The following SEC24D variants were observed in gnomAD, a reference collection of about 807,000 sequenced individuals.
SEC24D encodes SEC24 homolog D, COPII component, also known as protein transport protein Sec24D.
In SEC24D, 69 loss-of-function variants were observed where a neutral mutation model predicts 116.9. The ratio of observed to expected loss-of-function variants is 0.59; its 90% CI spans 0.49 to 0.72. The LOEUF (loss-of-function observed/expected upper bound fraction) is 0.72, where lower values mean the gene tolerates loss of function less well. SEC24D is among the 30% of genes least tolerant of loss of function. The pLI is 0.00. For missense variants in SEC24D, 1,131 were observed against 1,264.1 expected, an observed-to-expected ratio of 0.89 and a Z score of 1.60; for synonymous variants, 405 against 442.8, an observed-to-expected ratio of 0.91 and a Z score of 1.07.
chr4:118,764,593 T>C (rs1376809787), intron 10 of SEC24D: 1 of 451,710 alleles, frequency 2.2e-6, no homozygotes. Context: ...CATTTCAGTT[T>C]TTAAAAATAA....
At chr4:118,783,651 A>G (rs1272141555) in intron 8 of SEC24D, among the ~76,000 whole-genome samples, 1 of 152,230 alleles carries the variant, frequency 6.6e-6, no homozygotes, top group African/African-American at 2.4e-5. Flanking sequence ...TATTGTCCAG[A>G]TTATGGTATA....
intron 3 of SEC24D, among the ~76,000 whole-genome samples, chr4:118,818,479 T>C (rs1044530151): frequency 6.6e-6 from 1 of 152,244 alleles, no homozygotes; most frequent in African/African-American, 2.4e-5. Flanking sequence ...TAATTTTATC[T>C]TGTCATTTTT....
intron 21 of SEC24D, 70 bp downstream of exon 21, chr4:118,731,246 C>A: frequency 8.1e-7 from 1 of 1,240,936 alleles, no homozygotes; most frequent in Non-Finnish European, 1.2e-6. Context: ...TATTTGACTG[C>A]ACATAAATAA....
chr4:118,757,501 C>A (rs1184310129), intron 11 of SEC24D, among the ~76,000 whole-genome samples: 6 of 152,128 alleles, frequency 3.9e-5, no homozygotes, highest in African/African-American at 1.4e-4. Context: ...AAGTTCTTTA[C>A]CATAGCATTT....
At chr4:118,802,104 C>T (rs377029932) in intron 7 of SEC24D, among the ~76,000 whole-genome samples, 71 of 152,056 alleles carry the variant, frequency 4.7e-4, no homozygotes, top group African/African-American at 1.6e-3. Context: ...GTAAGCATCA[C>T]AGAAGAGCAA....
At chr4:118,742,911 C>A (rs1222554908) in intron 15 of SEC24D, among the ~76,000 whole-genome samples, 2 of 152,082 alleles carry the variant, frequency 1.3e-5, no homozygotes, top group Admixed American at 6.5e-5. Context: ...AGCTTGCCTG[C>A]AGGAGGCACA....
At position 118,740,470 on chromosome 4, in the gene SEC24D, A is replaced by G. The variant is rs552343553; in HGVS notation, c.2238+193T>C. 2.6e-5 allele frequency among the ~76,000 whole-genome samples: 4 copies of G among 152,348 alleles called. No individual in the cohort carries two copies. The South Asian group carries it at 8.3e-4, about 32-fold the overall frequency. On this transcript the variant is annotated intron_variant, in intron 17 of 22. Transcript: ENST00000280551. The stretch of plus-strand genomic sequence containing the variant: ...CAATGACACATAATTGTCACTTCAT[A>G]TAAGTAGCAAATATGAATGAGTATG...
intron 19 of SEC24D, among the ~76,000 whole-genome samples, chr4:118,734,294 A>G (rs994704858): frequency 1.3e-5 from 2 of 151,666 alleles, no homozygotes; most frequent in Non-Finnish European, 2.9e-5. Context: ...GGTCACTGCA[A>G]CCTTGCCTCC....
rs1729628259 is a variant in SEC24D at position 118,805,262 on chromosome 4, C to T, written c.913+581G>A. ...ATGCTTCTAGGATTGAGTACATGAT[C>T]CATTAAAATGGTATATTCAGAATCT... On this transcript the variant is annotated intron_variant, in intron 7 of 22. Coordinates refer to ENST00000280551, the MANE Select transcript of SEC24D (RefSeq NM_014822.4). 2.6e-5 allele frequency among the ~76,000 whole-genome samples: 4 copies of T among 152,218 alleles called. No individual in the cohort carries two copies. In the South Asian group the frequency reaches 8.3e-4, roughly 32 times the overall value.
intron 2 of SEC24D, among the ~76,000 whole-genome samples, chr4:118,830,106 G>A (rs9685374): frequency 0.23 from 34,271 of 152,164 alleles, 4,960 homozygotes; most frequent in South Asian, 0.38. Flanking sequence ...TTTAGTGAAA[G>A]TCTTAAATAA....
chr4:118,731,470 G>T lies in SEC24D; in HGVS notation c.2714C>A (p.Ala905Asp). Residue 905 changes from alanine to aspartate, a missense_variant, in exon 21 of 23, where the codon GCC becomes GAC. Physicochemically the swap from Ala to Asp is moderately radical, Grantham distance 126 (BLOSUM62 -2). Transcript: ENST00000280551. Reference protein sequence around the residue: ...LDVKSTMLPAAVRCSESRLSE... With the variant: ...LDVKSTMLPADVRCSESRLSE... ...AAGACGGGACTCAGAGCAACGAACG[G>T]CAGCAGGTAACATTGTACTCTTGAC... 6.2e-7 allele frequency: 1 copy of T among 1,614,136 alleles called. No individual in the cohort carries two copies. Among genetic ancestry groups the T allele is most frequent in the South Asian group, 1.1e-5 (1 of 91,092 alleles).
chr4:118,770,835 T>A (rs1727868346), intron 8 of SEC24D, among the ~76,000 whole-genome samples: 1 of 152,186 alleles, frequency 6.6e-6, no homozygotes, highest in South Asian at 2.1e-4. Context: ...TGGAGTCAAG[T>A]CATGACTGTG....
At chr4:118,751,722 T>C (rs1055882232) in intron 13 of SEC24D, among the ~76,000 whole-genome samples, 1 of 152,156 alleles carries the variant, frequency 6.6e-6, no homozygotes, top group Admixed American at 6.5e-5. Flanking sequence ...AAATAGACCA[T>C]ATAAAGTTCA....
intron 10 of SEC24D, among the ~76,000 whole-genome samples, chr4:118,763,126 A>C (rs1317697471): frequency 1.3e-5 from 2 of 152,220 alleles, no homozygotes; most frequent in Non-Finnish European, 2.9e-5. Flanking sequence ...GTTAGGAACA[A>C]CTAAACTGTC....
rs532945831 is a variant in SEC24D at position 118,794,948 on chromosome 4, C to CT, written c.1041+2734dup. Among the ~76,000 whole-genome samples the CT allele has an allele frequency of 4.7e-3, 698 of 149,414 alleles. 3 individuals are homozygous for CT. The highest frequency in any genetic ancestry group is 0.016 in the African/African-American group (652 of 41,114). On this transcript the variant is annotated intron_variant, in intron 8 of 22. Coordinates refer to ENST00000280551, the MANE Select transcript of SEC24D (RefSeq NM_014822.4). ...CCATTCTATCATTTACATTTACATA[C>CT]TTTTTTTTTGAAGGATAGATAGTTA...
intron 13 of SEC24D, among the ~76,000 whole-genome samples, chr4:118,749,718 C>T (rs1033528222): frequency 2.6e-5 from 4 of 152,166 alleles, no homozygotes; most frequent in Admixed American, 6.5e-5. Flanking sequence ...TACAGAGTTA[C>T]ATCTCTTCCA....
At chr4:118,820,320 A>G (rs1221301085) in intron 3 of SEC24D, among the ~76,000 whole-genome samples, 1 of 151,830 alleles carries the variant, frequency 6.6e-6, no homozygotes, top group African/African-American at 2.4e-5. Flanking sequence ...AGCTGGGATT[A>G]CAGGTACGCA....
At chr4:118,742,043 C>T (rs17839117) in intron 15 of SEC24D, among the ~76,000 whole-genome samples, 3,630 of 152,178 alleles carry the variant, frequency 0.024, 148 homozygotes, top group African/African-American at 0.083. Flanking sequence ...TTTTCCTCTG[C>T]TGCATTATAA....
intron 13 of SEC24D, among the ~76,000 whole-genome samples, chr4:118,745,419 T>C (rs531224433): frequency 2.0e-5 from 3 of 152,302 alleles, no homozygotes; most frequent in African/African-American, 7.2e-5. Flanking sequence ...GTAAATCCCA[T>C]AATGTAAAGT....
Sources: gnomAD v4.1 joint callset for allele counts (sites outside exome capture counted in the v4.1 genomes callset) on GRCh38, gnomAD v4.1.1 for gene constraint, MANE v1.5 for transcripts, NCBI Gene and HGNC (gene_info 2026-07-23, HGNC 2026-07-21) for gene names.